DIAPH3: variants seen among roughly 807,000 people sequenced by gnomAD.
The protein encoded by DIAPH3 is diaphanous related formin 3.
DIAPH3 carries 117 observed loss-of-function variants against 144.3 expected under a neutral mutation model. That is an observed-to-expected ratio of 0.81 (90% CI 0.70 to 0.95). The LOEUF (loss-of-function observed/expected upper bound fraction) is 0.95, where lower values mean the gene tolerates loss of function less well. Among genes scored for constraint, DIAPH3 ranks in the 40% least tolerant of loss-of-function variants. The pLI is 0.00. For missense variants in DIAPH3, 1,421 were observed against 1,412.7 expected, an observed-to-expected ratio of 1.01 and a Z score of -0.09; for synonymous variants, 519 against 488.9, an observed-to-expected ratio of 1.06 and a Z score of -0.81.
intron 20 of DIAPH3, among the ~76,000 whole-genome samples, chr13:59,899,530 G>A (rs2046317685): frequency 1.3e-5 from 2 of 152,172 alleles, no homozygotes; most frequent in South Asian, 2.1e-4. Flanking sequence ...GAAGCCATAT[G>A]ATTAAAGTTG....
intron 27 of DIAPH3, among the ~76,000 whole-genome samples, chr13:59,738,597 TACTA>T (rs2036281945): frequency 6.6e-6 from 1 of 151,956 alleles, no homozygotes; most frequent in Non-Finnish European, 1.5e-5. Context: ...ATACTAAGAC[TACTA>T]AAAAGAGGAT....
At chr13:60,078,395 A>T (rs2057446029) in intron 4 of DIAPH3, among the ~76,000 whole-genome samples, 1 of 152,130 alleles carries the variant, frequency 6.6e-6, no homozygotes, top group Admixed American at 6.6e-5. Context: ...CAAGAACAAA[A>T]AAAGACTTGA....
intron 27 of DIAPH3, among the ~76,000 whole-genome samples, chr13:59,745,156 G>A (rs574160646): frequency 8.5e-5 from 13 of 152,218 alleles, no homozygotes; most frequent in Admixed American, 8.5e-4. Context: ...TTAACACACA[G>A]CCTGAGGTTT....
intron 1 of DIAPH3, among the ~76,000 whole-genome samples, chr13:60,145,286 A>G (rs972809131): frequency 1.3e-5 from 2 of 152,218 alleles, no homozygotes; most frequent in African/African-American, 4.8e-5. Context: ...CAAAAATGAA[A>G]TCTTAACAAG....
intron 9 of DIAPH3, among the ~76,000 whole-genome samples, chr13:59,998,734 T>C (rs1362514387): frequency 6.6e-6 from 1 of 152,146 alleles, no homozygotes; most frequent in Non-Finnish European, 1.5e-5. Flanking sequence ...CTGATCCATT[T>C]TAATATGGTT....
intron 14 of DIAPH3, among the ~76,000 whole-genome samples, chr13:59,978,981 A>G (rs563040956): frequency 6.6e-6 from 1 of 151,696 alleles, no homozygotes; most frequent in Non-Finnish European, 1.5e-5. Context: ...GAATGTGTCT[A>G]GCAACCATGA....
chr13:59,771,740 A>G (rs1467765441), intron 27 of DIAPH3, among the ~76,000 whole-genome samples: 1 of 152,156 alleles, frequency 6.6e-6, no homozygotes, highest in African/African-American at 2.4e-5. Flanking sequence ...ACAAGTTATC[A>G]GACCTCTTTA....
chr13:60,060,991 C>A (rs2056747376), intron 4 of DIAPH3, among the ~76,000 whole-genome samples: 1 of 151,968 alleles, frequency 6.6e-6, no homozygotes, highest in Non-Finnish European at 1.5e-5. Flanking sequence ...CCATGAGGTG[C>A]TCATCATTAG....
intron 12 of DIAPH3, among the ~76,000 whole-genome samples, chr13:59,990,506 T>C (rs971359782): frequency 1.3e-5 from 2 of 151,862 alleles, no homozygotes; most frequent in African/African-American, 2.4e-5. Flanking sequence ...GGAAAGTAGA[T>C]ATAGAGAACA....
intron 27 of DIAPH3, among the ~76,000 whole-genome samples, chr13:59,707,269 A>G (rs976880592): frequency 2.6e-5 from 4 of 152,170 alleles, no homozygotes; most frequent in African/African-American, 9.7e-5. Context: ...GGGAAAAGCA[A>G]TTAGAATATG....
At chr13:59,732,119 T>C (rs532591628) in intron 27 of DIAPH3, among the ~76,000 whole-genome samples, 2 of 152,260 alleles carry the variant, frequency 1.3e-5, no homozygotes, top group South Asian at 4.2e-4. Context: ...TTTGTCATGT[T>C]TTCTTATTTG....
chr13:60,126,758 C>A (rs1037180799), intron 2 of DIAPH3, among the ~76,000 whole-genome samples: 2 of 152,004 alleles, frequency 1.3e-5, no homozygotes, highest in Non-Finnish European at 2.9e-5. Flanking sequence ...ATCAGGAAAA[C>A]CCCTAAATAT....
chr13:60,016,483 C>G (rs919609417), intron 5 of DIAPH3, among the ~76,000 whole-genome samples: 3 of 152,132 alleles, frequency 2.0e-5, no homozygotes, highest in Non-Finnish European at 1.5e-5. Context: ...ATCAGAGCCT[C>G]CCCCACCCAC....
Position 59,916,380 on chromosome 13 carries a change from G to T in DIAPH3, c.2171-131C>A, listed in dbSNP as rs141187871. The T allele has an allele frequency of 1.1e-4, 82 of 725,324 alleles. 1 individual carries two copies. The African/African-American group carries it at 1.3e-3, about 12-fold the overall frequency. The allele number at this position is 725,324 out of a possible 1,614,324, so 44.9% of individuals were successfully genotyped here. A position where few individuals can be genotyped will look rare whatever the true frequency, so the allele number is the denominator to read the frequency against. ...ATTCAAACATTTAATATTATGTTTG[G>T]GGGAAACATATTATGGGGGAAACTT... On this transcript the variant is annotated intron_variant, in intron 18 of 27. Coordinates refer to ENST00000400324, the MANE Select transcript of DIAPH3 (RefSeq NM_001042517.2).
At chr13:59,683,978 G>C (rs2033080629) in intron 27 of DIAPH3, among the ~76,000 whole-genome samples, 1 of 151,636 alleles carries the variant, frequency 6.6e-6, no homozygotes, top group Non-Finnish European at 1.5e-5. Context: ...GGAGGAACTT[G>C]AATAACATTT....
At chr13:59,986,938 C>G (rs938956610) in intron 12 of DIAPH3, among the ~76,000 whole-genome samples, 1 of 150,304 alleles carries the variant, frequency 6.7e-6, no homozygotes, top group South Asian at 2.2e-4. Context: ...GGATCTAGAA[C>G]TAGAAATACC....
At chr13:60,129,463 T>G (rs1021108580) in intron 2 of DIAPH3, among the ~76,000 whole-genome samples, 8 of 152,200 alleles carry the variant, frequency 5.3e-5, no homozygotes, top group South Asian at 2.1e-4. Flanking sequence ...AACAAGACAG[T>G]GAAATTCAAT....
chr13:59,724,310 C>T (rs1345193699), intron 27 of DIAPH3, among the ~76,000 whole-genome samples: 1 of 152,150 alleles, frequency 6.6e-6, no homozygotes, highest in Non-Finnish European at 1.5e-5. Context: ...ACTATCACTG[C>T]AGAGTGATCT....
intron 1 of DIAPH3, among the ~76,000 whole-genome samples, chr13:60,148,184 T>C (rs796424433): frequency 7.2e-5 from 11 of 152,224 alleles, no homozygotes; most frequent in African/African-American, 2.6e-4. Context: ...GCAGATAAAT[T>C]CGAGTTGAGA....
Sources: allele counts gnomAD v4.1 joint callset (sites outside exome capture counted in the v4.1 genomes callset), GRCh38; gene constraint gnomAD v4.1.1; transcripts MANE v1.5; gene names NCBI Gene and HGNC (gene_info 2026-07-23, HGNC 2026-07-21).